Variants in TYR observed in about 807,000 individuals in gnomAD.
TYR encodes LB24-AB.
Under a neutral mutation model 51.5 loss-of-function variants are expected in TYR, and 58 were observed. The ratio of observed to expected loss-of-function variants is 1.13; its 90% CI spans 0.91 to 1.40. The LOEUF (loss-of-function observed/expected upper bound fraction) is 1.40, where lower values mean the gene tolerates loss of function less well. TYR is among the 40% of genes most tolerant of loss of function. TYR has a pLI of 0.00. For synonymous variants in TYR, 263 were observed against 235.2 expected (o/e 1.12, Z -1.08); for missense variants, 732 against 647.4 (o/e 1.13, Z -1.42).
In TYR at chr11:89,235,782, T is replaced by C. The variant is rs533254468; in HGVS notation, c.1184+7812T>C. Among the ~76,000 whole-genome samples, 9 of 152,200 alleles carry C rather than the reference T, an allele frequency of 5.9e-5. No individual in the cohort carries two copies. In the South Asian group the frequency reaches 1.9e-3, roughly 32 times the overall value. On this transcript the variant is annotated intron_variant, in intron 3 of 4. Coordinates refer to ENST00000263321, the MANE Select transcript of TYR (RefSeq NM_000372.5). ...GGTCTTCTGCACAGCATGATGATTA[T>C]AGTAAATAATGATATATTGTATCTT... is the stretch of plus-strand genomic sequence containing the variant.
chr11:89,184,528 G>T lies in TYR; in HGVS notation c.819+5756G>T, dbSNP rs551859513. Reference sequence around the variant, plus strand: ...AAGGAAACTTGTGTTTCAGTGCTTTGGTTTTGACTCTAAATATCATATGGC... The same window carrying T: ...AAGGAAACTTGTGTTTCAGTGCTTTTGTTTTGACTCTAAATATCATATGGC... On this transcript the variant is annotated intron_variant, in intron 1 of 4. Coordinates refer to ENST00000263321, the MANE Select transcript of TYR (RefSeq NM_000372.5). Among the ~76,000 whole-genome samples the T allele has an allele frequency of 1.3e-5, 2 of 152,130 alleles. 1 individual carries two copies. The highest frequency in any genetic ancestry group is 4.1e-4 in the South Asian group (2 of 4,820).
intron 2 of TYR, among the ~76,000 whole-genome samples, chr11:89,207,397 G>T (rs547163845): frequency 2.6e-5 from 4 of 151,968 alleles, no homozygotes; most frequent in Non-Finnish European, 5.9e-5. Flanking sequence ...CTAAAAAAGC[G>T]CAAACTATAC....
In TYR at chr11:89,183,247, T is replaced by C. The variant is rs907001545; in HGVS notation, c.819+4475T>C. 1.4e-4 allele frequency among the ~76,000 whole-genome samples: 21 copies of C among 152,164 alleles called. No homozygotes were observed. The East Asian group carries it at 2.1e-3, about 15-fold the overall frequency. ...TCTATTTCTTCTATCTCCCCTTTTT[T>C]CTTTGACTTGGAACACTTGATCGTC... On this transcript the variant is annotated intron_variant, in intron 1 of 4. Coordinates refer to ENST00000263321, the MANE Select transcript of TYR (RefSeq NM_000372.5).
At position 89,178,567 on chromosome 11, in the gene TYR, C is replaced by G; in HGVS notation, c.614C>G (p.Pro205Arg). 1 of 1,614,094 alleles carries G rather than the reference C, an allele frequency of 6.2e-7. No homozygotes were observed. Residue 205 changes from proline to arginine, a missense_variant, in exon 1 of 5, where the codon CCA (proline) becomes CGA (arginine). By Grantham distance (103) the Pro-to-Arg change is moderately radical. Coordinates refer to ENST00000263321, the MANE Select transcript of TYR (RefSeq NM_000372.5). ...WRDIDFAHEA[P>R]AFLPWHRLFL... The stretch of plus-strand genomic sequence containing the variant: ...GACATTGATTTTGCCCATGAAGCAC[C>G]AGCTTTTCTGCCTTGGCATAGACTC...
chr11:89,239,991 C>A (rs1374400350), intron 3 of TYR, among the ~76,000 whole-genome samples: 2 of 151,940 alleles, frequency 1.3e-5, no homozygotes, highest in Non-Finnish European at 2.9e-5. Flanking sequence ...ATGTGTGTGA[C>A]AATAATGCAC....
intron 3 of TYR, among the ~76,000 whole-genome samples, chr11:89,275,027 C>G (rs1323943943): frequency 1.3e-5 from 2 of 151,934 alleles, no homozygotes. Flanking sequence ...CCTCTTTGAC[C>G]TACTTAGCTG....
chr11:89,260,983 A>G (rs1178359418), intron 3 of TYR, among the ~76,000 whole-genome samples: 2 of 152,088 alleles, frequency 1.3e-5, no homozygotes, highest in Non-Finnish European at 2.9e-5. Context: ...CACATTCCTT[A>G]TGAGAATCTA....
chr11:89,179,882 C>T (rs1420683936), intron 1 of TYR, among the ~76,000 whole-genome samples: 4 of 152,142 alleles, frequency 2.6e-5, no homozygotes, highest in Non-Finnish European at 5.9e-5. Context: ...TTCTGCCTGT[C>T]TTCCAAAAAT....
rs185742551 is a variant in TYR, at chr11:89,268,044, G to A, written c.1185-16729G>A. The stretch of plus-strand genomic sequence containing the variant: ...TAAGAACACTTATCATATTTAGACT[G>A]CAGGTTTCAAATGTTGATTCTGCCA... On this transcript the variant is annotated intron_variant, in intron 3 of 4. Coordinates refer to ENST00000263321, the MANE Select transcript of TYR (RefSeq NM_000372.5). 1.7e-4 allele frequency among the ~76,000 whole-genome samples: 26 copies of A among 152,008 alleles called. 1 individual carries two copies. In the East Asian group the frequency reaches 4.3e-3, roughly 25 times the overall value.
chr11:89,261,449 A>G (rs906145450), intron 3 of TYR, among the ~76,000 whole-genome samples: 1 of 152,144 alleles, frequency 6.6e-6, no homozygotes, highest in African/African-American at 2.4e-5. Flanking sequence ...TAAGACAAAA[A>G]TTTTAACAAG....
In TYR at chr11:89,207,662, G is replaced by A. The variant is rs577948244; in HGVS notation, c.1036+16244G>A. Among the ~76,000 whole-genome samples, 36 of 152,216 alleles carry A rather than the reference G, an allele frequency of 2.4e-4. No individual in the cohort carries two copies. The South Asian group carries it at 7.0e-3, about 30-fold the overall frequency. On this transcript the variant is annotated intron_variant, in intron 2 of 4. Transcript: ENST00000263321. Reference sequence around the variant, plus strand: ...CCAGATAAAAGGATGCCAAGAAAATGAGACAGATCAATATCCCTCATGTAC... The same window carrying A: ...CCAGATAAAAGGATGCCAAGAAAATAAGACAGATCAATATCCCTCATGTAC...
intron 2 of TYR, among the ~76,000 whole-genome samples, chr11:89,220,265 G>A (rs980968797): frequency 2.0e-5 from 3 of 152,148 alleles, no homozygotes; most frequent in Admixed American, 1.3e-4. Context: ...CAGAGAGCAC[G>A]CACATTATAT....
At chr11:89,290,763 C>T (rs115632690) in intron 4 of TYR, among the ~76,000 whole-genome samples, 2,134 of 152,102 alleles carry the variant, frequency 0.014, 55 homozygotes, top group African/African-American at 0.047. Context: ...ACTTGAGTCA[C>T]ATAGCCATGA....
intron 1 of TYR, among the ~76,000 whole-genome samples, chr11:89,181,305 C>G (rs1459570121): frequency 6.6e-6 from 1 of 152,196 alleles, no homozygotes; most frequent in African/African-American, 2.4e-5. Flanking sequence ...CCTGAGCCAT[C>G]AAGCTGGGCC....
At chr11:89,193,866 C>T (rs1943480858) in intron 2 of TYR, among the ~76,000 whole-genome samples, 2 of 109,030 alleles carry the variant, frequency 1.8e-5, no homozygotes, top group Non-Finnish European at 3.5e-5. Flanking sequence ...ACATTGTATC[C>T]TGTTTCTCTC....
intron 2 of TYR, chr11:89,200,684 TTA>T (rs1943586447): frequency 1.3e-5 from 2 of 152,134 alleles, no homozygotes; most frequent in African/African-American, 4.8e-5. Context: ...TGAGATTACT[TTA>T]TATTTTTTAA....
In TYR at chr11:89,228,010, T is replaced by G. The variant is rs761922252; in HGVS notation, c.1184+40T>G. ...CTTTATAAATAACGTGCTCATTGGA[T>G]TTAAATAGAGGGTGCCTATCAAATG... On this transcript the variant is annotated intron_variant, in intron 3 of 4. Transcript: ENST00000263321. The G allele has an allele frequency of 3.7e-6, 6 of 1,607,748 alleles. No individual in the cohort carries two copies. In the Admixed American group the frequency reaches 1.0e-4, roughly 27 times the overall value.
chr11:89,234,079 G>A (rs1944082743), intron 3 of TYR, among the ~76,000 whole-genome samples: 1 of 143,788 alleles, frequency 7.0e-6, no homozygotes, highest in Admixed American at 6.9e-5. Context: ...CTATTGTTTA[G>A]TATAGCCAAC....
chr11:89,232,988 T>C (rs1184745730), intron 3 of TYR, among the ~76,000 whole-genome samples: 2 of 142,868 alleles, frequency 1.4e-5, no homozygotes, highest in African/African-American at 5.5e-5. Context: ...GGAAATTTGT[T>C]GCATCAGTTG....
Sources: allele counts gnomAD v4.1 joint callset (sites outside exome capture counted in the v4.1 genomes callset), GRCh38; gene constraint gnomAD v4.1.1; transcripts MANE v1.5; gene names NCBI Gene and HGNC (gene_info 2026-07-23, HGNC 2026-07-21).